Variants in TENM2 observed in about 807,000 individuals in gnomAD.
TENM2 encodes teneurin transmembrane protein 2, also known as teneurin-2.
TENM2 carries 52 observed loss-of-function variants against 245.2 expected under a neutral mutation model. The ratio of observed to expected loss-of-function variants is 0.21; its 90% CI spans 0.17 to 0.27. TENM2 has a LOEUF of 0.27. Ranked by LOEUF, TENM2 falls within the 10% of genes least tolerant of loss-of-function variation. TENM2 has a pLI of 1.00. For synonymous variants in TENM2, 1,363 were observed against 1,438.9 expected, an observed-to-expected ratio of 0.95 and a Z score of 1.19; for missense variants, 3,046 against 3,666.8, an observed-to-expected ratio of 0.83 and a Z score of 4.37.
chr5:167,252,768 A>G, the TENM2 span, among the ~76,000 whole-genome samples: 645 of 152,184 alleles, frequency 4.2e-3, 6 homozygotes, highest in African/African-American at 0.015. Context: ...TTGATCCTTT[A>G]CACCATTAAC....
chr5:168,239,835 C>T (rs1463491543), intron 25 of TENM2, among the ~76,000 whole-genome samples: 2 of 152,054 alleles, frequency 1.3e-5, no homozygotes, highest in South Asian at 2.1e-4. Context: ...ATTGGTCTTT[C>T]CCAGGTAACT....
At chr5:167,727,363 C>T (rs1234701050) in intron 2 of TENM2, among the ~76,000 whole-genome samples, 1 of 152,198 alleles carries the variant, frequency 6.6e-6, no homozygotes, top group East Asian at 1.9e-4. Context: ...CCTCCCGCCT[C>T]AGCCTCCCAG....
chr5:166,986,463 A>C, the TENM2 span, among the ~76,000 whole-genome samples: 1 of 152,166 alleles, frequency 6.6e-6, no homozygotes, highest in African/African-American at 2.4e-5. Context: ...TTTCAAATAG[A>C]TAAAAACTGG....
intron 2 of TENM2, among the ~76,000 whole-genome samples, chr5:167,845,591 G>A (rs1004824398): frequency 2.0e-5 from 3 of 152,054 alleles, no homozygotes; most frequent in Non-Finnish European, 2.9e-5. Context: ...GCTGGCATAT[G>A]GAATAAAATA....
At chr5:168,240,611 G>A (rs1332708702) in intron 25 of TENM2, among the ~76,000 whole-genome samples, 1 of 147,918 alleles carries the variant, frequency 6.8e-6, no homozygotes, top group Non-Finnish European at 1.5e-5. Flanking sequence ...TGCTGTTGCT[G>A]TGGTTTTTCT....
intron 2 of TENM2, among the ~76,000 whole-genome samples, chr5:167,582,424 G>A (rs1182337214): frequency 6.6e-6 from 1 of 151,978 alleles, no homozygotes; most frequent in Non-Finnish European, 1.5e-5. Context: ...TATCCTATGT[G>A]ATTTATATAC....
chr5:168,113,635 A>C (rs1228659042), intron 9 of TENM2, among the ~76,000 whole-genome samples: 6 of 152,012 alleles, frequency 3.9e-5, no homozygotes, highest in Non-Finnish European at 8.8e-5. Context: ...AGGGCGGGGG[A>C]GCTTCAGCTG....
At chr5:167,319,434 T>C (rs1211772189) in intron 1 of TENM2, among the ~76,000 whole-genome samples, 1 of 152,204 alleles carries the variant, frequency 6.6e-6, no homozygotes, top group African/African-American at 2.4e-5. Context: ...CAGACAGTGT[T>C]AACAATGATC....
At chr5:167,628,797 A>G (rs1032278854) in intron 2 of TENM2, among the ~76,000 whole-genome samples, 3 of 152,208 alleles carry the variant, frequency 2.0e-5, no homozygotes, top group East Asian at 1.9e-4. Flanking sequence ...GTTGAGGATA[A>G]AGAAAGACTT....
chr5:167,232,811 T>C, the TENM2 span, among the ~76,000 whole-genome samples: 1 of 152,262 alleles, frequency 6.6e-6, no homozygotes, highest in African/African-American at 2.4e-5. Flanking sequence ...CAAAGCTCTA[T>C]GTCAGGTTAC....
At chr5:168,190,276 G>A in intron 13 of TENM2, 61 bp from the exon 16 acceptor site, 1 of 1,347,420 alleles carries the variant, frequency 7.4e-7, no homozygotes, top group Non-Finnish European at 1.0e-6. Context: ...AGGTGTTAGT[G>A]TCTCCAAACA....
At chr5:167,290,371 C>T (rs1174593134) in intron 1 of TENM2, among the ~76,000 whole-genome samples, 1 of 152,134 alleles carries the variant, frequency 6.6e-6, no homozygotes, top group Non-Finnish European at 1.5e-5. Flanking sequence ...TTATTTCTTA[C>T]AATTGTGTAT....
At position 167,417,974 on chromosome 5, in the gene TENM2, A is replaced by G. The variant is rs369371997; in HGVS notation, c.502+42501A>G. Among the ~76,000 whole-genome samples, 9 of 152,336 alleles carry G rather than the reference A, an allele frequency of 5.9e-5. No homozygotes were observed. In the East Asian group the frequency reaches 1.3e-3, roughly 23 times the overall value. ...TTACTGCATTAATTTGCATTGAATA[A>G]TGTGTCACTAAGTATTTGTGCTTGT... On this transcript the variant is annotated intron_variant, in intron 2 of 28. Coordinates refer to ENST00000518659, the Ensembl canonical transcript of TENM2.
chr5:168,193,067 C>T (rs1761093859), intron 14 of TENM2, among the ~76,000 whole-genome samples: 1 of 152,214 alleles, frequency 6.6e-6, no homozygotes, highest in African/African-American at 2.4e-5. Context: ...ATTTGGTAGA[C>T]TATGCCAGCC....
the TENM2 span, among the ~76,000 whole-genome samples, chr5:167,228,799 T>A: frequency 2.0e-5 from 3 of 152,056 alleles, no homozygotes; most frequent in African/African-American, 7.2e-5. Flanking sequence ...CCGCCTCCTG[T>A]GTTCACACCA....
intron 2 of TENM2, among the ~76,000 whole-genome samples, chr5:167,625,640 A>G (rs750924076): frequency 6.6e-6 from 1 of 152,222 alleles, no homozygotes; most frequent in South Asian, 2.1e-4. Flanking sequence ...GTTCTGTAAC[A>G]AATTACCCCA....
intron 2 of TENM2, among the ~76,000 whole-genome samples, chr5:167,671,182 T>C (rs1317238168): frequency 6.6e-6 from 1 of 152,158 alleles, no homozygotes; most frequent in Non-Finnish European, 1.5e-5. Flanking sequence ...CATAGTTCCG[T>C]AGCAGTGCTT....
rs1554142421 is a variant in TENM2 at position 167,907,547 on chromosome 5, A to ATATG, written c.712+31355_712+31356insGTAT. ...TAAATATATATATATATATATATAT[A>ATATG]TATATATATATATATATATATATAT... On this transcript the variant is annotated intron_variant, in intron 3 of 28. Transcript: ENST00000518659. Among the ~76,000 whole-genome samples, 31 of 91,196 alleles carry ATATG rather than the reference A, an allele frequency of 3.4e-4. 1 individual carries two copies. In the East Asian group the frequency reaches 9.0e-3, roughly 26 times the overall value. The allele number at this position is 91,196 out of a possible 152,430, so 59.8% of individuals were successfully genotyped here.
the TENM2 span, among the ~76,000 whole-genome samples, chr5:167,230,592 T>C: frequency 6.6e-6 from 1 of 152,056 alleles, no homozygotes; most frequent in Non-Finnish European, 1.5e-5. Context: ...GAATCATCAG[T>C]AGATACATTT....
Sources: allele counts gnomAD v4.1 joint callset (sites outside exome capture counted in the v4.1 genomes callset), GRCh38; gene constraint gnomAD v4.1.1; transcripts MANE v1.5; gene names NCBI Gene and HGNC (gene_info 2026-07-23, HGNC 2026-07-21).